ZNF365: variants seen among roughly 807,000 people sequenced by gnomAD.
ZNF365 encodes the protein protein ZNF365.
Under a neutral mutation model 35.0 loss-of-function variants are expected in ZNF365, and 22 were observed. The observed-to-expected ratio is 0.63, with a 90% confidence interval of 0.45 to 0.90. ZNF365 has a LOEUF of 0.90. Ranked by LOEUF, ZNF365 falls within the 40% of genes least tolerant of loss-of-function variation. The probability of loss-of-function intolerance (pLI) is 0.00; values close to 1 mark genes in which losing one functional copy is unlikely to be tolerated. For synonymous variants in ZNF365, 188 were observed against 196.2 expected, an observed-to-expected ratio of 0.96 and a Z score of 0.35; for missense variants, 448 against 500.3, an observed-to-expected ratio of 0.90 and a Z score of 1.00.
chr10:62,387,808 C>T (rs1306173847), intron 2 of ZNF365, among the ~76,000 whole-genome samples: 1 of 152,106 alleles, frequency 6.6e-6, no homozygotes, highest in Non-Finnish European at 1.5e-5. Context: ...ACTTTCTCTC[C>T]CTGTAGAGTT....
chr10:62,432,893 G>C (rs10822004), intron 3 of ZNF365, among the ~76,000 whole-genome samples: 89,751 of 151,952 alleles, frequency 0.59, 27,399 homozygotes, highest in East Asian at 0.84. Context: ...ATATTCTCTT[G>C]AAAGCCCTAA....
At position 62,394,013 on chromosome 10, in the gene ZNF365, G is replaced by A. The variant is rs544875536; in HGVS notation, c.925-4727G>A. Among the ~76,000 whole-genome samples, 4 of 152,308 alleles carry A rather than the reference G, an allele frequency of 2.6e-5. No homozygotes were observed. In the South Asian group the frequency reaches 8.3e-4, roughly 32 times the overall value. ...CCATAGTCAGACACATTATGACACA[G>A]TCTGCAGACCCTGTAGACCATTTTT... On this transcript the variant is annotated intron_variant, in intron 3 of 4. Transcript: ENST00000395254.
rs1162549463 is a variant in ZNF365, at chr10:62,440,171, G to GTTTT, written c.925-19569_925-19566dup. 1.3e-4 allele frequency among the ~76,000 whole-genome samples: 17 copies of GTTTT among 133,138 alleles called. No homozygotes were observed. In the Middle Eastern group the frequency reaches 0.012, roughly 97 times the overall value. The allele number at this position is 133,138 out of a possible 152,430, so 87.3% of individuals were successfully genotyped here. On this transcript the variant is annotated intron_variant, in intron 3 of 4. Coordinates refer to the ZNF365 transcript ENST00000395255. Reference sequence around the variant, plus strand: ...TAATTATAAGCTTTATGAATGCATAGTTTTATTTATTTATTTATTTATTTA... The same window carrying GTTTT: ...TAATTATAAGCTTTATGAATGCATAGTTTTTTTTATTTATTTATTTATTTATTTA...
At chr10:62,462,237 T>G (rs1281396454) in intron 4 of ZNF365, among the ~76,000 whole-genome samples, 1 of 152,224 alleles carries the variant, frequency 6.6e-6, no homozygotes, top group Non-Finnish European at 1.5e-5. Context: ...TGAACTCAAC[T>G]GTGTTTGCTC....
intron 4 of ZNF365, among the ~76,000 whole-genome samples, chr10:62,475,896 A>T (rs1046819219): frequency 2.0e-5 from 3 of 152,096 alleles, no homozygotes; most frequent in Non-Finnish European, 4.4e-5. Flanking sequence ...AAGTTAGCAG[A>T]CTCTTGGCTG....
chr10:62,418,985 C>G (rs902662704), intron 3 of ZNF365, among the ~76,000 whole-genome samples: 1 of 151,848 alleles, frequency 6.6e-6, no homozygotes, highest in Non-Finnish European at 1.5e-5. Context: ...AACAATCTTA[C>G]TAATATTATA....
chr10:62,449,533 G>A (rs182674119), intron 3 of ZNF365, among the ~76,000 whole-genome samples: 56 of 152,260 alleles, frequency 3.7e-4, no homozygotes, highest in African/African-American at 1.3e-3. Context: ...ATAAAGCTAT[G>A]GGGTGGGTTT....
In ZNF365 at chr10:62,399,676, A is replaced by G. The variant is rs1000885998; in HGVS notation, c.1111A>G (p.Arg371Gly). 2 of 1,614,084 alleles carry G rather than the reference A, an allele frequency of 1.2e-6. No individual in the cohort carries two copies. Among genetic ancestry groups the G allele is most frequent in the Non-Finnish European group, 1.7e-6 (2 of 1,180,052 alleles). ...CATTCACGAACAGGCTGAGTCCTCA[A>G]GAGACCTCTGCAGACCTCCAAAGAA... ...KAIHEQAESS[R>G]DLCRPPKKGE... The change falls in exon 5 of 5, where the codon AGA (arginine) becomes GGA (glycine). Residue 371 changes from arginine (R) to glycine (G), a missense_variant. By Grantham distance (125) the Arg-to-Gly change is moderately radical. Around this residue, in one of 3 missense-constraint regions of ZNF365, gnomAD observed 362 missense variants for 375.7 expected, o/e 0.96. Transcript: ENST00000395254.
chr10:62,412,697 G>C (rs940480382), intron 3 of ZNF365, among the ~76,000 whole-genome samples: 1 of 151,974 alleles, frequency 6.6e-6, no homozygotes, highest in Non-Finnish European at 1.5e-5. Flanking sequence ...AACAAGAATA[G>C]GAATACAGCT....
intron 3 of ZNF365, among the ~76,000 whole-genome samples, chr10:62,436,500 A>T (rs1371524033): frequency 6.6e-6 from 1 of 152,234 alleles, no homozygotes; most frequent in African/African-American, 2.4e-5. Flanking sequence ...ACACATAAAA[A>T]TATAATGCTA....
At chr10:62,411,515 C>G (rs967776270) in intron 3 of ZNF365, among the ~76,000 whole-genome samples, 3 of 152,130 alleles carry the variant, frequency 2.0e-5, no homozygotes, top group Non-Finnish European at 4.4e-5. Flanking sequence ...GTTCTTCTGG[C>G]ACTATTTATT....
At chr10:62,375,197 T>G (rs1430109036) in intron 1 of ZNF365, among the ~76,000 whole-genome samples, 1 of 152,242 alleles carries the variant, frequency 6.6e-6, no homozygotes, top group African/African-American at 2.4e-5. Context: ...AACAGTCATC[T>G]GTTGCTAGGG....
intron 2 of ZNF365, among the ~76,000 whole-genome samples, chr10:62,379,212 C>T (rs913413725): frequency 2.0e-5 from 3 of 151,812 alleles, no homozygotes; most frequent in African/African-American, 7.3e-5. Context: ...TTAGTAGAGA[C>T]GGGGTTTCGC....
At chr10:62,432,702 C>T (rs555305813) in intron 3 of ZNF365, among the ~76,000 whole-genome samples, 1 of 152,222 alleles carries the variant, frequency 6.6e-6, no homozygotes, top group East Asian at 1.9e-4. Flanking sequence ...TGTAAATGCA[C>T]AACAAATGAT....
chr10:62,433,327 C>G (rs1003963792), intron 3 of ZNF365, among the ~76,000 whole-genome samples: 10 of 152,150 alleles, frequency 6.6e-5, no homozygotes. Context: ...GCTGAGTCAT[C>G]TAAAGTCAGC....
intron 3 of ZNF365, among the ~76,000 whole-genome samples, chr10:62,438,063 C>A (rs189637271): frequency 1.3e-5 from 2 of 152,274 alleles, no homozygotes; most frequent in Admixed American, 6.5e-5. Context: ...CAGATAGGAG[C>A]ATTTATTCAC....
intron 3 of ZNF365, among the ~76,000 whole-genome samples, chr10:62,431,038 C>T (rs1840326529): frequency 6.6e-6 from 1 of 152,092 alleles, no homozygotes; most frequent in Non-Finnish European, 1.5e-5. Flanking sequence ...TGTGTTTAGC[C>T]AAAGGGGAAA....
At chr10:62,479,911 T>C (rs763092674) in exon 5 of ZNF365, 4 of 1,613,410 alleles carry the variant, frequency 2.5e-6, no homozygotes, top group Non-Finnish European at 3.4e-6. Flanking sequence ...CTTCGAATGA[T>C]GTGATTCTGG....
At chr10:62,459,656 T>G in intron 3 of ZNF365, 1 of 1,418,196 alleles carries the variant, frequency 7.1e-7, no homozygotes, top group Admixed American at 2.0e-5. Context: ...GAATGGAACA[T>G]GGCACTGCTT....
Sources: gnomAD v4.1 joint callset for allele counts (sites outside exome capture counted in the v4.1 genomes callset) on GRCh38, gnomAD v4.1.1 for gene constraint, gnomAD v4.1.1 regional missense constraint, MANE v1.5 for transcripts, NCBI Gene and HGNC (gene_info 2026-07-23, HGNC 2026-07-21) for gene names.